The following TSC22D1 variants were observed in gnomAD, a reference collection of about 807,000 sequenced individuals.
TSC22D1 encodes TSC22 domain family member 1.
Under a neutral mutation model 74.2 loss-of-function variants are expected in TSC22D1, and 9 were observed. That is an observed-to-expected ratio of 0.12 (90% confidence interval 0.07 to 0.21). The LOEUF is 0.21. TSC22D1 is among the 10% of genes least tolerant of loss of function. The pLI, the probability that TSC22D1 is intolerant of heterozygous loss-of-function variation, is 1.00. For synonymous variants in TSC22D1, 586 were observed against 492.5 expected (o/e 1.19, Z -2.51); for missense variants, 1,427 against 1,304.7 (o/e 1.09, Z -1.44).
intron 1 of TSC22D1, among the ~76,000 whole-genome samples, chr13:44,494,181 GC>G (rs1878851407): frequency 6.6e-6 from 1 of 151,756 alleles, no homozygotes; most frequent in South Asian, 2.1e-4. Context: ...TTTGAGACTA[GC>G]CTGGCCAACA....
chr13:44,522,707 T>C (rs927233451), intron 1 of TSC22D1, among the ~76,000 whole-genome samples: 1 of 152,168 alleles, frequency 6.6e-6, no homozygotes, highest in Non-Finnish European at 1.5e-5. Context: ...CACAGACCTA[T>C]ACATACAATT....
At chr13:44,483,889 T>C (rs1341862022) in intron 1 of TSC22D1, among the ~76,000 whole-genome samples, 1 of 152,206 alleles carries the variant, frequency 6.6e-6, no homozygotes, top group Admixed American at 6.5e-5. Context: ...TAGATGGCGC[T>C]AATACAACGT....
intron 1 of TSC22D1, among the ~76,000 whole-genome samples, chr13:44,481,800 A>C (rs1329914586): frequency 2.0e-5 from 3 of 152,170 alleles, no homozygotes; most frequent in Non-Finnish European, 1.5e-5. Context: ...TACTACCAAA[A>C]AATTATAGCA....
intron 1 of TSC22D1, among the ~76,000 whole-genome samples, chr13:44,453,249 C>T (rs949164497): frequency 5.3e-5 from 8 of 151,276 alleles, no homozygotes; most frequent in Admixed American, 4.6e-4. Context: ...TCAATGCATA[C>T]TAACAGCGCA....
rs1166475155 is a variant in TSC22D1, at chr13:44,576,007, G to A, written c.68C>T (p.Ala23Val). 2.5e-6 allele frequency: 4 copies of A among 1,589,980 alleles called. No homozygotes were observed. The highest frequency in any genetic ancestry group is 3.4e-6 in the Non-Finnish European group (4 of 1,168,440). Residue 23 changes from alanine to valine, a missense_variant, in exon 1 of 3, where the codon GCG becomes GTG. Physicochemically the swap from Ala to Val is moderately conservative, Grantham distance 64. Coordinates refer to ENST00000458659, the MANE Select transcript of TSC22D1 (RefSeq NM_183422.4). ...CCTTCGAGGGAACATTGCCGGGTGC[G>A]CCATCTTCCTAGCGCTAATGTCTGC... ...AAADISARKM[A>V]HPAMFPRRGS...
chr13:44,512,334 T>A (rs1381267001), intron 1 of TSC22D1, among the ~76,000 whole-genome samples: 1 of 151,730 alleles, frequency 6.6e-6, no homozygotes, highest in Non-Finnish European at 1.5e-5. Flanking sequence ...CGCGCCCGGC[T>A]AATTTTTTGT....
Position 44,434,081 on chromosome 13 carries a change from GAA to G in TSC22D1, c.*543_*544del. 1 of 1,525,524 alleles carries G rather than the reference GAA, an allele frequency of 6.6e-7. No homozygotes were observed. The highest frequency in any genetic ancestry group is 8.7e-7 in the Non-Finnish European group (1 of 1,144,540). The allele number at this position is 1,525,524 out of a possible 1,614,324, so 94.5% of individuals were successfully genotyped here. On this transcript the variant is annotated 3_prime_UTR_variant, in exon 3 of 3. Transcript: ENST00000458659. Reference sequence around the variant, plus strand: ...TTTTGTGTCATCCATTGTTTGAGAAGAAAGAGGCACAGTACTATTGTTTTTTA... The same window carrying G: ...TTTTGTGTCATCCATTGTTTGAGAAGAGAGGCACAGTACTATTGTTTTTTA...
chr13:44,448,931 G>C (rs1031410462), intron 1 of TSC22D1, among the ~76,000 whole-genome samples: 1 of 151,558 alleles, frequency 6.6e-6, no homozygotes, highest in Non-Finnish European at 1.5e-5. Context: ...TGTTAGACCT[G>C]GAAGAATAAA....
chr13:44,575,900 G>A lies in TSC22D1; in HGVS notation c.175C>T (p.Pro59Ser). 6.2e-7 allele frequency: 1 copy of A among 1,614,020 alleles called. No homozygotes were observed. Among genetic ancestry groups the A allele is most frequent in the Non-Finnish European group, 8.5e-7 (1 of 1,180,010 alleles). ...GGCGGCTGAAGCAGCGACGGAGGCG[G>A]AAAATCCTCGGAAGATGTGGCATTA... ...GSNATSSEDF[P>S]PPSLLQPPPP... The change falls in exon 1 of 3, where the codon CCG becomes TCG. Residue 59 changes from proline (P) to serine (S), a missense_variant. Pro to Ser is a moderately conservative substitution (Grantham distance 74, BLOSUM62 -1). This residue lies in a region of TSC22D1 where 1,343 missense variants were observed against 1,191.5 expected (regional missense o/e 1.13). Transcript: ENST00000458659.
intron 1 of TSC22D1, among the ~76,000 whole-genome samples, chr13:44,445,427 T>C (rs1875558028): frequency 6.6e-6 from 1 of 151,984 alleles, no homozygotes; most frequent in African/African-American, 2.4e-5. Flanking sequence ...CTATAAAACT[T>C]CTATAAGAAA....
chr13:44,457,408 A>C (rs1249983935), intron 1 of TSC22D1, among the ~76,000 whole-genome samples: 1 of 152,208 alleles, frequency 6.6e-6, no homozygotes, highest in East Asian at 1.9e-4. Flanking sequence ...AAATATTGAG[A>C]AGCCAGAAAT....
At chr13:44,530,647 A>G (rs931468451) in intron 1 of TSC22D1, among the ~76,000 whole-genome samples, 9 of 151,238 alleles carry the variant, frequency 6.0e-5, no homozygotes, top group African/African-American at 2.2e-4. Flanking sequence ...AAAATATATC[A>G]AGAACTCTTA....
At chr13:44,560,314 T>G (rs966908952) in intron 1 of TSC22D1, among the ~76,000 whole-genome samples, 1 of 148,872 alleles carries the variant, frequency 6.7e-6, no homozygotes, top group Non-Finnish European at 1.5e-5. Flanking sequence ...AAGAGAAAAA[T>G]TGGGGGGGGA....
intron 1 of TSC22D1, among the ~76,000 whole-genome samples, chr13:44,483,048 T>C (rs1878254784): frequency 6.6e-6 from 1 of 152,226 alleles, no homozygotes. Context: ...TAATATTCTT[T>C]ACATTAAGAA....
At chr13:44,521,724 A>G (rs969870528) in intron 1 of TSC22D1, among the ~76,000 whole-genome samples, 2 of 152,096 alleles carry the variant, frequency 1.3e-5, no homozygotes, top group Non-Finnish European at 2.9e-5. Context: ...GACTTCATAA[A>G]TTGACAGCTA....
intron 1 of TSC22D1, among the ~76,000 whole-genome samples, chr13:44,566,961 T>C (rs1378654756): frequency 2.0e-5 from 3 of 152,104 alleles, no homozygotes; most frequent in African/African-American, 7.2e-5. Flanking sequence ...AAAGATTGTT[T>C]AGAAGTCAGT....
chr13:44,541,081 A>G (rs1881441507), intron 1 of TSC22D1, among the ~76,000 whole-genome samples: 1 of 152,190 alleles, frequency 6.6e-6, no homozygotes, highest in Non-Finnish European at 1.5e-5. Context: ...TAGTTATCAC[A>G]AGGGTTCCTT....
intron 1 of TSC22D1, among the ~76,000 whole-genome samples, chr13:44,557,966 T>G (rs1485316498): frequency 6.6e-6 from 1 of 152,162 alleles, no homozygotes; most frequent in African/African-American, 2.4e-5. Context: ...ATTTAACCAC[T>G]GGGGTAGAAA....
At chr13:44,465,548 G>T (rs545778250) in intron 1 of TSC22D1, among the ~76,000 whole-genome samples, 38 of 152,268 alleles carry the variant, frequency 2.5e-4, no homozygotes, top group South Asian at 1.5e-3. Flanking sequence ...ATTTCAATGT[G>T]AAGCCAGGGC....
Sources: allele counts gnomAD v4.1 joint callset (sites outside exome capture counted in the v4.1 genomes callset), GRCh38; gene constraint gnomAD v4.1.1; regional missense constraint gnomAD v4.1.1; transcripts MANE v1.5; gene names NCBI Gene and HGNC (gene_info 2026-07-23, HGNC 2026-07-21).